The following YARS2 variants were observed in gnomAD, a reference collection of about 807,000 sequenced individuals.
YARS2 encodes tyrosine--tRNA ligase, mitochondrial.
YARS2 carries 38 observed loss-of-function variants against 45.0 expected under a neutral mutation model. The observed-to-expected ratio is 0.84, with a 90% CI of 0.65 to 1.11. The LOEUF (loss-of-function observed/expected upper bound fraction) is 1.11, where lower values mean the gene tolerates loss of function less well. Ranked by LOEUF, YARS2 falls within the 50% of genes least tolerant of loss-of-function variation. YARS2 has a pLI of 0.00. For synonymous variants in YARS2, 287 were observed against 245.1 expected, an observed-to-expected ratio of 1.17 and a Z score of -1.60; for missense variants, 602 against 599.8, an observed-to-expected ratio of 1.00 and a Z score of -0.04.
At chr12:32,755,075 C>T in intron 1 of YARS2, 21 bp downstream of exon 1, 1 of 1,614,064 alleles carries the variant, frequency 6.2e-7, no homozygotes, top group Non-Finnish European at 8.5e-7. Flanking sequence ...CAGGATTTCC[C>T]CAAGGTTTAA....
At position 32,755,442 on chromosome 12, in the gene YARS2, G is replaced by T. The variant is rs1955830193; in HGVS notation, c.433C>A (p.Arg145Ser). ...ERVRANARAL[R>S]LGLEALAANH... Reference sequence around the variant, plus strand: ...GCCGCCAGGGCCTCAAGCCCTAGGCGCAGAGCTCGCGCGTTGGCTCGCACG... The same window carrying T: ...GCCGCCAGGGCCTCAAGCCCTAGGCTCAGAGCTCGCGCGTTGGCTCGCACG... Residue 145 changes from arginine (R) to serine (S), a missense_variant, in exon 1 of 5, where the codon CGC becomes AGC. Arg to Ser is a moderately radical substitution (Grantham distance 110). Transcript: ENST00000324868. The T allele has an allele frequency of 6.2e-7, 1 of 1,613,098 alleles. No individual in the cohort carries two copies. The highest frequency in any genetic ancestry group is 8.5e-7 in the Non-Finnish European group (1 of 1,179,776).
rs924939802 is a variant in YARS2 at position 32,750,986 on chromosome 12, C to T, written c.948-112G>A. 4.3e-5 allele frequency: 53 copies of T among 1,236,976 alleles called. 1 individual carries two copies. The East Asian group carries it at 7.8e-4, about 18-fold the overall frequency. The allele number at this position is 1,236,976 out of a possible 1,614,324, so 76.6% of individuals were successfully genotyped here. A position where few individuals can be genotyped will look rare whatever the true frequency, so the allele number is the denominator to read the frequency against. ...TACTTTTAAATATGAAACAAACATA[C>T]AGAAATGTACTGAACATAGTAGGTC... is the stretch of plus-strand genomic sequence containing the variant. On this transcript the variant is annotated intron_variant, in intron 2 of 4. Transcript: ENST00000324868.
chr12:32,753,175 G>C (rs1402437150), intron 2 of YARS2, among the ~76,000 whole-genome samples: 2 of 152,114 alleles, frequency 1.3e-5, no homozygotes, highest in African/African-American at 2.4e-5. Flanking sequence ...AAAATTAGCT[G>C]GGCATGGTGG....
chr12:32,754,010 A>C lies in YARS2; in HGVS notation c.855T>G (p.Ser285=). Reference sequence around the variant, plus strand: ...TGTTTAGCCAAACAGCGTTGCCAGCAGACTTTCCCAGCTTTGCTCCAGTTG... The same window carrying C: ...TGTTTAGCCAAACAGCGTTGCCAGCCGACTTTCCCAGCTTTGCTCCAGTTG... ...TSTTGAKLGK[S]AGNAVWLNRD... The change falls in exon 2 of 5, where the codon TCT becomes TCG. Residue 285 remains serine, a synonymous_variant. Coordinates refer to ENST00000324868, the MANE Select transcript of YARS2 (RefSeq NM_001040436.3). The C allele has an allele frequency of 2.5e-6, 4 of 1,614,242 alleles. No homozygotes were observed. Among genetic ancestry groups the C allele is most frequent in the Non-Finnish European group, 3.4e-6 (4 of 1,180,036 alleles).
In YARS2 at chr12:32,755,430, C is replaced by G. The variant is rs142171896; in HGVS notation, c.445G>C (p.Glu149Gln). 4 of 1,613,318 alleles carry G rather than the reference C, an allele frequency of 2.5e-6. No homozygotes were observed. The African/African-American group carries it at 5.3e-5, about 22-fold the overall frequency. The change falls in exon 1 of 5, where the codon GAG (glutamate) becomes CAG (glutamine). Residue 149 changes from glutamate (E) to glutamine (Q), a missense_variant. Glu to Gln is a conservative substitution (Grantham distance 29, BLOSUM62 2). Transcript: ENST00000324868. ...ANARALRLGL[E>Q]ALAANHQQLF... ...TGCTGGTGATTAGCCGCCAGGGCCTCAAGCCCTAGGCGCAGAGCTCGCGCG... is the reference window on the plus strand; with the variant it reads ...TGCTGGTGATTAGCCGCCAGGGCCTGAAGCCCTAGGCGCAGAGCTCGCGCG...
chr12:32,748,723 G>A (rs918868793), intron 4 of YARS2, among the ~76,000 whole-genome samples: 2 of 152,232 alleles, frequency 1.3e-5, no homozygotes. Context: ...GATGCAAAGG[G>A]AGACAATGGG....
chr12:32,755,095 C>T lies in YARS2; in HGVS notation c.779+1G>A, dbSNP rs768645004. ...TTTCCCCAAGGTTTAAAGGCACTTACTTGTTGATGAACTCATATCCGGACA... is the reference window on the plus strand; with the variant it reads ...TTTCCCCAAGGTTTAAAGGCACTTATTTGTTGATGAACTCATATCCGGACA... On this transcript the variant is annotated splice_donor_variant, in intron 1 of 4. Coordinates refer to ENST00000324868, the MANE Select transcript of YARS2 (RefSeq NM_001040436.3). LOFTEE classifies it high-confidence loss of function. 1.9e-6 allele frequency: 3 copies of T among 1,614,146 alleles called. No individual in the cohort carries two copies. The highest frequency in any genetic ancestry group is 1.3e-5 in the African/African-American group (1 of 75,036).
At chr12:32,749,695 CTCAGCCTCCCAAGTAGCTGGGACT>C (rs1385493497) in intron 4 of YARS2, among the ~76,000 whole-genome samples, 1 of 152,158 alleles carries the variant, frequency 6.6e-6, no homozygotes, top group Admixed American at 6.5e-5. Flanking sequence ...ATTCTCCTGC[CTCAGCCTCCCAAGTAGCTGGGACT>C]ACAGGCGCCT....
In YARS2 at chr12:32,753,898, G is replaced by T. The variant is rs1331146333; in HGVS notation, c.947+20C>A. On this transcript the variant is annotated intron_variant, in intron 2 of 4. Transcript: ENST00000324868. ...GAGTTTATGGTGTCAGTTTTTCTCA[G>T]CCCATTATTCAGAACTCACCTTTCC... 1.2e-6 allele frequency: 2 copies of T among 1,613,876 alleles called. No homozygotes were observed.
At position 32,755,529 on chromosome 12, in the gene YARS2, TG is replaced by T. The variant is rs1389933838; in HGVS notation, c.345del (p.Thr116ArgfsTer31). The T allele has an allele frequency of 6.2e-7, 1 of 1,613,030 alleles. No individual in the cohort carries two copies. The highest frequency in any genetic ancestry group is 1.7e-5 in the Admixed American group (1 of 59,920). On this transcript the variant is annotated frameshift_variant, in exon 1 of 5. Transcript: ENST00000324868. LOFTEE classifies it high-confidence loss of function. The part of the protein sequence containing the change: ...GHNVIALVGG[A>X]TARLGDPSGR... ...CCGCTCGGGTCTCCCAGGCGCGCCG[TG>T]GCGCCTCCCACCAGCGCGATCACGT...
At chr12:32,753,794 T>C (rs2137659321) in intron 2 of YARS2, 124 bp downstream of exon 2, 1 of 1,276,846 alleles carries the variant, frequency 7.8e-7, no homozygotes, top group Non-Finnish European at 1.1e-6. Context: ...GATGTAATGG[T>C]TTATGTACAG....
At position 32,755,667 on chromosome 12, in the gene YARS2, C is replaced by T. The variant is rs758242873; in HGVS notation, c.208G>A (p.Ala70Thr). 1.9e-6 allele frequency: 3 copies of T among 1,614,268 alleles called. No individual in the cohort carries two copies. The South Asian group carries it at 3.3e-5, about 18-fold the overall frequency. ...ELPELFDRGT[A>T]SFPQTIYCGF... ...CAGTAAATGGTTTGGGGAAAACTCG[C>T]CGTGCCACGGTCGAAGAGCTCTGGG... Residue 70 changes from alanine to threonine, a missense_variant, in exon 1 of 5, where the codon GCG (alanine) becomes ACG (threonine). Physicochemically the swap from Ala to Thr is moderately conservative, Grantham distance 58 (BLOSUM62 0). Coordinates refer to ENST00000324868, the MANE Select transcript of YARS2 (RefSeq NM_001040436.3).
intron 2 of YARS2, among the ~76,000 whole-genome samples, chr12:32,753,319 T>C (rs566176144): frequency 1.6e-4 from 24 of 152,342 alleles, no homozygotes; most frequent in African/African-American, 4.6e-4. Context: ...GTACTATGAA[T>C]ATGGTCTAAC....
In YARS2 at chr12:32,747,300, ACT is replaced by A. The variant is rs1565555998; in HGVS notation, c.1336_1337del (p.Ser446CysfsTer17). 5.0e-6 allele frequency: 8 copies of A among 1,613,928 alleles called. No individual in the cohort carries two copies. In the Admixed American group the frequency reaches 1.2e-4, roughly 24 times the overall value. On this transcript the variant is annotated frameshift_variant, in exon 5 of 5. Transcript: ENST00000324868. LOFTEE classifies it high-confidence loss of function. ...GAATATGTTGTCCAACAATTAAAAC[ACT>A]CTCAGGATTTGTTACTTGTTGGTGA... ...INHQQVTNPE[S>X]VLIVGQHILK...
intron 2 of YARS2, 32 bp from the exon 3 acceptor site, chr12:32,750,906 T>G (rs746867246): frequency 1.2e-6 from 2 of 1,611,632 alleles, no homozygotes; most frequent in Non-Finnish European, 8.5e-7. Flanking sequence ...GTTACACTTA[T>G]ATAACATACC....
At chr12:32,747,474 A>T in intron 4 of YARS2, 111 bp from the exon 5 acceptor site, 1 of 1,097,430 alleles carries the variant, frequency 9.1e-7, no homozygotes, top group Non-Finnish European at 1.4e-6. Context: ...AGAAGATTTC[A>T]TTTGGCACTG....
chr12:32,755,161 G>A lies in YARS2; in HGVS notation c.714C>T (p.Cys238=). The A allele has an allele frequency of 6.2e-7, 1 of 1,614,186 alleles. No individual in the cohort carries two copies. The change falls in exon 1 of 5, where the codon TGC becomes TGT. Residue 238 remains cysteine, a synonymous_variant. Coordinates refer to ENST00000324868, the MANE Select transcript of YARS2 (RefSeq NM_001040436.3). ...DFYYLFQRYG[C]RVQLGGSDQL... ...GATCAGATCCGCCCAGCTGGACCCTGCATCCATAACGCTGGAAGAGGTAAT... is the reference window on the plus strand; with the variant it reads ...GATCAGATCCGCCCAGCTGGACCCTACATCCATAACGCTGGAAGAGGTAAT...
Position 32,753,926 on chromosome 12 carries a change from T to C in YARS2, c.939A>G (p.Ser313=). 1 of 1,614,216 alleles carries C rather than the reference T, an allele frequency of 6.2e-7. No individual in the cohort carries two copies. Among genetic ancestry groups the C allele is most frequent in the South Asian group, 1.1e-5 (1 of 91,090 alleles). Residue 313 remains serine, a synonymous_variant, in exon 2 of 5, where the codon TCA becomes TCG. Transcript: ENST00000324868. ...CATTATTCAGAACTCACCTTTCCACTGAATCGTCCGGTTGCCTGACAAAGA... is the reference window on the plus strand; with the variant it reads ...CATTATTCAGAACTCACCTTTCCACCGAATCGTCCGGTTGCCTGACAAAGA... ...YQFFVRQPDD[S]VERYLKLFTF... is the part of the protein sequence containing the mutation.
chr12:32,754,988 C>T, intron 1 of YARS2, 108 bp downstream of exon 1: 1 of 1,444,618 alleles, frequency 6.9e-7, no homozygotes. Context: ...ATAAAACCAA[C>T]AAGAGCTGGA....
Sources: allele counts gnomAD v4.1 joint callset (sites outside exome capture counted in the v4.1 genomes callset), GRCh38; gene constraint gnomAD v4.1.1; transcripts MANE v1.5; gene names NCBI Gene and HGNC (gene_info 2026-07-23, HGNC 2026-07-21).